PALM2AKAP2: variants seen among roughly 807,000 people sequenced by gnomAD.
The protein encoded by PALM2AKAP2 is PALM2 and AKAP2 fusion.
In PALM2AKAP2, 37 loss-of-function variants were observed where a neutral mutation model predicts 71.5. The ratio of observed to expected loss-of-function variants is 0.52; its 90% CI spans 0.40 to 0.68. The LOEUF (loss-of-function observed/expected upper bound fraction) is 0.68. Ranked by LOEUF, PALM2AKAP2 falls within the 30% of genes least tolerant of loss-of-function variation. The probability of loss-of-function intolerance (pLI) is 0.00; values close to 1 mark genes in which losing one functional copy is unlikely to be tolerated. For missense variants in PALM2AKAP2, 1,224 were observed against 1,191.8 expected, an observed-to-expected ratio of 1.03 and a Z score of -0.40; for synonymous variants, 468 against 478.8, an observed-to-expected ratio of 0.98 and a Z score of 0.29.
intron 1 of PALM2AKAP2, among the ~76,000 whole-genome samples, chr9:109,727,059 C>T (rs1405315933): frequency 1.3e-5 from 2 of 152,204 alleles, no homozygotes; most frequent in East Asian, 3.8e-4. Context: ...ACTATCTAAC[C>T]ATATCGCAGA....
intron 3 of PALM2AKAP2, among the ~76,000 whole-genome samples, chr9:109,907,205 C>G (rs1019598345): frequency 6.6e-6 from 1 of 152,212 alleles, no homozygotes; most frequent in African/African-American, 2.4e-5. Flanking sequence ...GCAATTTGAG[C>G]TCTACTGTGC....
chr9:110,074,740 C>T (rs1395915616), intron 1 of PALM2AKAP2, among the ~76,000 whole-genome samples: 1 of 152,080 alleles, frequency 6.6e-6, no homozygotes, highest in Non-Finnish European at 1.5e-5. Flanking sequence ...TGGTGGTTCA[C>T]GCCCGTAATC....
At chr9:110,091,477 T>TA (rs980962027) in intron 1 of PALM2AKAP2, among the ~76,000 whole-genome samples, 3 of 145,706 alleles carry the variant, frequency 2.1e-5, no homozygotes, top group Non-Finnish European at 4.5e-5. Context: ...TTTTTTTTTT[T>TA]TTTGAGACAG....
intron 1 of PALM2AKAP2, among the ~76,000 whole-genome samples, chr9:109,837,841 T>G: frequency 6.6e-6 from 1 of 152,180 alleles, no homozygotes; most frequent in Admixed American, 6.5e-5. Flanking sequence ...ATCCTAAATA[T>G]ATATGCACCC....
At chr9:109,732,414 T>C (rs535180631) in intron 1 of PALM2AKAP2, among the ~76,000 whole-genome samples, 1 of 152,350 alleles carries the variant, frequency 6.6e-6, no homozygotes, top group Non-Finnish European at 1.5e-5. Flanking sequence ...TAATGAGGTA[T>C]CTTTGGGGGA....
intron 3 of PALM2AKAP2, among the ~76,000 whole-genome samples, chr9:109,912,179 G>A (rs1044486671): frequency 3.3e-5 from 5 of 152,058 alleles, no homozygotes; most frequent in African/African-American, 4.8e-5. Context: ...ACTTCCAGCC[G>A]AAGAAGTTTG....
intron 1 of PALM2AKAP2, among the ~76,000 whole-genome samples, chr9:109,835,372 G>C (rs1343939071): frequency 6.7e-6 from 1 of 149,780 alleles, no homozygotes; most frequent in African/African-American, 2.5e-5. Flanking sequence ...AGAGGGGAAG[G>C]TGGAGGGAAA....
At chr9:109,940,162 A>C (rs1831326133) in intron 6 of PALM2AKAP2, among the ~76,000 whole-genome samples, 1 of 152,174 alleles carries the variant, frequency 6.6e-6, no homozygotes, top group Admixed American at 6.5e-5. Context: ...AAATGGCTCT[A>C]AGGTAGGTGC....
At chr9:109,949,043 G>A (rs1474555989) in intron 6 of PALM2AKAP2, among the ~76,000 whole-genome samples, 1 of 152,238 alleles carries the variant, frequency 6.6e-6, no homozygotes, top group African/African-American at 2.4e-5. Flanking sequence ...CTTCAGAGCT[G>A]TGAATTTCAT....
intron 5 of PALM2AKAP2, among the ~76,000 whole-genome samples, chr9:109,928,364 A>G (rs1361266585): frequency 3.3e-5 from 5 of 152,174 alleles, no homozygotes. Flanking sequence ...GCGGGATTAG[A>G]ACTAAGAAGC....
At chr9:109,916,386 C>T (rs1830693050) in intron 3 of PALM2AKAP2, among the ~76,000 whole-genome samples, 1 of 152,194 alleles carries the variant, frequency 6.6e-6, no homozygotes, top group African/African-American at 2.4e-5. Flanking sequence ...ATTTGAGAGC[C>T]AGGCAAGTGA....
chr9:110,016,793 A>G (rs1166230724), intron 7 of PALM2AKAP2, among the ~76,000 whole-genome samples: 7 of 152,238 alleles, frequency 4.6e-5, no homozygotes. Flanking sequence ...TCTTGCTTGA[A>G]TGATTATAAT....
chr9:110,136,970 C>T (rs1252424541), exon 2 of PALM2AKAP2: 1 of 1,614,056 alleles, frequency 6.2e-7, no homozygotes, highest in Non-Finnish European at 8.5e-7. Flanking sequence ...GTGGAATCCC[C>T]CGCAGGAAAA....
At chr9:109,980,309 G>T (rs1329962024) in intron 6 of PALM2AKAP2, among the ~76,000 whole-genome samples, 1 of 152,114 alleles carries the variant, frequency 6.6e-6, no homozygotes, top group Non-Finnish European at 1.5e-5. Context: ...TCTCAACCTT[G>T]CCTGCCATCG....
intron 2 of PALM2AKAP2, among the ~76,000 whole-genome samples, chr9:110,142,605 TAAAG>T: frequency 6.6e-6 from 1 of 152,206 alleles, no homozygotes; most frequent in East Asian, 1.9e-4. Context: ...ATTTGGAGGA[TAAAG>T]AAAGTCTTCC....
At chr9:110,092,192 TGTG>T (rs753054744) in intron 1 of PALM2AKAP2, among the ~76,000 whole-genome samples, 1 of 152,030 alleles carries the variant, frequency 6.6e-6, no homozygotes. Flanking sequence ...ATTAGCCAGG[TGTG>T]GTGGTGCATT....
At chr9:109,736,205 A>G (rs1470868277) in intron 1 of PALM2AKAP2, among the ~76,000 whole-genome samples, 1 of 152,220 alleles carries the variant, frequency 6.6e-6, no homozygotes, top group African/African-American at 2.4e-5. Context: ...CCGGGGAACT[A>G]GTCTTGTACA....
At chr9:109,910,473 A>G (rs1830543359) in intron 3 of PALM2AKAP2, among the ~76,000 whole-genome samples, 1 of 152,244 alleles carries the variant, frequency 6.6e-6, no homozygotes, top group Non-Finnish European at 1.5e-5. Flanking sequence ...ATGTTAATCA[A>G]TAAGAACAAT....
chr9:110,068,262 T>C (rs1409670626), intron 1 of PALM2AKAP2, among the ~76,000 whole-genome samples: 13 of 149,870 alleles, frequency 8.7e-5, no homozygotes, highest in Admixed American at 3.3e-4. Flanking sequence ...CTGATTTTGT[T>C]TTTCTGTTCT....
Sources: allele counts gnomAD v4.1 joint callset (sites outside exome capture counted in the v4.1 genomes callset), GRCh38; gene constraint gnomAD v4.1.1; transcripts MANE v1.5; gene names NCBI Gene and HGNC (gene_info 2026-07-23, HGNC 2026-07-21).